Variants in MAL observed in about 807,000 individuals in gnomAD.
MAL encodes myelin and lymphocyte protein.
Under a neutral mutation model 16.7 loss-of-function variants are expected in MAL, and 5 were observed. The observed-to-expected ratio is 0.30, with a 90% CI of 0.16 to 0.63. The LOEUF (loss-of-function observed/expected upper bound fraction) is 0.63, where lower values mean the gene tolerates loss of function less well. Ranked by LOEUF, MAL falls within the 30% of genes least tolerant of loss-of-function variation. The pLI is 0.82. For synonymous variants in MAL, 96 were observed against 85.5 expected, an observed-to-expected ratio of 1.12 and a Z score of -0.67; for missense variants, 202 against 195.8, an observed-to-expected ratio of 1.03 and a Z score of -0.19.
intron 1 of MAL, among the ~76,000 whole-genome samples, chr2:95,042,448 G>A (rs1238212226): frequency 1.5e-4 from 23 of 152,198 alleles, no homozygotes; most frequent in Admixed American, 1.4e-3. Flanking sequence ...GTGACTTAAT[G>A]TATAGTCAGG....
intron 1 of MAL, among the ~76,000 whole-genome samples, chr2:95,037,403 A>G (rs191665895): frequency 1.0e-3 from 149 of 149,500 alleles, no homozygotes; most frequent in African/African-American, 3.6e-3. Flanking sequence ...TGAGTGAGTG[A>G]CTGAGTGAGT....
At chr2:95,039,307 GGTGA>G (rs796660834) in intron 1 of MAL, among the ~76,000 whole-genome samples, 23 of 66,614 alleles carry the variant, frequency 3.5e-4, no homozygotes, top group East Asian at 9.9e-4. Flanking sequence ...TGACTGAGTG[GGTGA>G]GTGAGTGAGT....
chr2:95,038,515 G>GTGAGTGAGTGAGTGAGTGA (rs1674321431), intron 1 of MAL, among the ~76,000 whole-genome samples: 2 of 39,854 alleles, frequency 5.0e-5, no homozygotes, highest in Admixed American at 2.4e-4. Flanking sequence ...TGAGTGAGTG[G>GTGAGTGAGTGAGTGAGTGA]GTGAGTGAGT....
At chr2:95,031,083 C>G (rs1674067014) in intron 1 of MAL, among the ~76,000 whole-genome samples, 2 of 152,330 alleles carry the variant, frequency 1.3e-5, no homozygotes, top group African/African-American at 4.8e-5. Context: ...CGTAGAATGA[C>G]AGAAACCTCA....
At chr2:95,040,988 G>A (rs1410039571) in intron 1 of MAL, among the ~76,000 whole-genome samples, 1 of 151,930 alleles carries the variant, frequency 6.6e-6, no homozygotes. Context: ...TAGATGGAAA[G>A]CCTTGCCTGG....
chr2:95,029,482 G>A (rs759125998), intron 1 of MAL, among the ~76,000 whole-genome samples: 3 of 152,236 alleles, frequency 2.0e-5, no homozygotes, highest in Non-Finnish European at 4.4e-5. Context: ...CCAGTCTTCT[G>A]TTAATAGACA....
Position 95,046,924 on chromosome 2 carries a change from AAGAG to A in MAL, c.94-1031_94-1028del, listed in dbSNP as rs991109216. On this transcript the variant is annotated intron_variant, in intron 1 of 3. Transcript: ENST00000309988. Reference sequence around the variant, plus strand: ...AGAGAGAGAGAAAGAGAGAGAAAGAAAGAGAGAAAGAGAAAGAAAGAAAGAGAAA... The same window carrying A: ...AGAGAGAGAGAAAGAGAGAGAAAGAAAGAAAGAGAAAGAAAGAAAGAGAAA... 4.0e-5 allele frequency among the ~76,000 whole-genome samples: 6 copies of A among 151,086 alleles called. No individual in the cohort carries two copies. The East Asian group carries it at 5.8e-4, about 15-fold the overall frequency.
intron 3 of MAL, chr2:95,051,261 G>A (rs893058794): frequency 1.3e-5 from 2 of 152,206 alleles, no homozygotes; most frequent in Admixed American, 6.5e-5. Context: ...ATTTCATACA[G>A]CGAACTCCCT....
chr2:95,041,503 A>G (rs935253942), intron 1 of MAL, among the ~76,000 whole-genome samples: 1 of 152,210 alleles, frequency 6.6e-6, no homozygotes, highest in Non-Finnish European at 1.5e-5. Flanking sequence ...GCTTCATCTA[A>G]TGACAGTTGT....
chr2:95,043,243 C>A (rs1242276308), intron 1 of MAL, among the ~76,000 whole-genome samples: 5 of 152,246 alleles, frequency 3.3e-5, no homozygotes, highest in Admixed American at 2.0e-4. Context: ...TCTGCCCACT[C>A]GGGGCTGGTT....
At chr2:95,030,704 C>G (rs186655452) in intron 1 of MAL, among the ~76,000 whole-genome samples, 207 of 152,326 alleles carry the variant, frequency 1.4e-3, no homozygotes, top group African/African-American at 4.8e-3. Flanking sequence ...TGAGGAATGC[C>G]GCCCAGCCCT....
intron 1 of MAL, among the ~76,000 whole-genome samples, chr2:95,033,580 T>G (rs946841896): frequency 3.9e-5 from 6 of 151,956 alleles, no homozygotes; most frequent in African/African-American, 1.2e-4. Flanking sequence ...GAGTTTGAGA[T>G]CAGCCTGGGC....
At chr2:95,048,515 C>A (rs1361929615) in intron 2 of MAL, among the ~76,000 whole-genome samples, 1 of 152,210 alleles carries the variant, frequency 6.6e-6, no homozygotes, top group Non-Finnish European at 1.5e-5. Flanking sequence ...CAGAAATTGG[C>A]CCTGGCTCTG....
intron 3 of MAL, among the ~76,000 whole-genome samples, chr2:95,052,563 G>A (rs188594185): frequency 3.9e-5 from 6 of 152,298 alleles, no homozygotes; most frequent in East Asian, 1.9e-4. Context: ...AGGCGTAGCC[G>A]CCCTAAATGG....
At chr2:95,032,979 C>G (rs571595120) in intron 1 of MAL, among the ~76,000 whole-genome samples, 2 of 152,322 alleles carry the variant, frequency 1.3e-5, no homozygotes, top group East Asian at 3.9e-4. Flanking sequence ...AGCCACAGCA[C>G]CTCCGCAGCG....
chr2:95,033,849 G>A (rs1310070922), intron 1 of MAL, among the ~76,000 whole-genome samples: 1 of 152,158 alleles, frequency 6.6e-6, no homozygotes, highest in Non-Finnish European at 1.5e-5. Context: ...ACCCATGGGG[G>A]CCTGGATCTG....
At chr2:95,028,745 T>C (rs562548377) in intron 1 of MAL, among the ~76,000 whole-genome samples, 62 of 152,310 alleles carry the variant, frequency 4.1e-4, no homozygotes, top group African/African-American at 1.4e-3. Context: ...TACTGATACG[T>C]GCTACAAAGT....
chr2:95,026,834 T>G (rs1300789486), intron 1 of MAL: 6 of 151,704 alleles, frequency 4.0e-5, no homozygotes, highest in African/African-American at 1.5e-4. Flanking sequence ...GCGTGGAGAG[T>G]TGGGCGGGAA....
intron 1 of MAL, among the ~76,000 whole-genome samples, chr2:95,031,550 G>A (rs1168779121): frequency 2.0e-5 from 3 of 152,236 alleles, no homozygotes; most frequent in African/African-American, 7.2e-5. Context: ...AGTGGGAACA[G>A]TTCTCAGGGA....
Sources: allele counts gnomAD v4.1 joint callset (sites outside exome capture counted in the v4.1 genomes callset), GRCh38; gene constraint gnomAD v4.1.1; transcripts MANE v1.5; gene names NCBI Gene and HGNC (gene_info 2026-07-23, HGNC 2026-07-21).